ZFAND3: variants seen among roughly 807,000 people sequenced by gnomAD.
ZFAND3 encodes the protein AN1-type zinc finger protein 3.
A neutral mutation model predicts 29.6 loss-of-function variants in ZFAND3; 10 were observed. That is an observed-to-expected ratio of 0.34 (90% CI 0.21 to 0.57). The LOEUF (loss-of-function observed/expected upper bound fraction) is 0.57, where lower values mean the gene tolerates loss of function less well. Ranked by LOEUF, ZFAND3 falls within the 20% of genes least tolerant of loss-of-function variation. The pLI is 0.86. For missense variants in ZFAND3, 230 were observed against 304.5 expected (o/e 0.76, Z 1.82); for synonymous variants, 128 against 112.6 (o/e 1.14, Z -0.87).
intron 2 of ZFAND3, among the ~76,000 whole-genome samples, chr6:37,975,235 C>T (rs188761929): frequency 4.1e-4 from 63 of 152,268 alleles, no homozygotes; most frequent in African/African-American, 1.4e-3. Flanking sequence ...TCTCTAATGA[C>T]ATTGAGCATC....
chr6:38,130,222 A>C, intron 5 of ZFAND3, among the ~76,000 whole-genome samples: 1 of 152,178 alleles, frequency 6.6e-6, no homozygotes, highest in Non-Finnish European at 1.5e-5. Flanking sequence ...GAGTCTTTAG[A>C]GTTTTCTAGG....
chr6:37,849,800 C>G (rs949661423), intron 1 of ZFAND3, among the ~76,000 whole-genome samples: 1 of 152,156 alleles, frequency 6.6e-6, no homozygotes, highest in Non-Finnish European at 1.5e-5. Context: ...AGATGGACTT[C>G]CTAGAACTTG....
At chr6:38,122,550 A>C (rs1427350523) in intron 5 of ZFAND3, among the ~76,000 whole-genome samples, 1 of 152,042 alleles carries the variant, frequency 6.6e-6, no homozygotes, top group East Asian at 1.9e-4. Context: ...CATACTTCCC[A>C]TCTTTCTTCA....
intron 2 of ZFAND3, among the ~76,000 whole-genome samples, chr6:38,011,285 T>C (rs894191461): frequency 6.6e-6 from 1 of 152,216 alleles, no homozygotes; most frequent in Non-Finnish European, 1.5e-5. Flanking sequence ...TATGAATGTA[T>C]GCTTTTATTT....
At chr6:38,141,669 C>T (rs1765958954) in intron 5 of ZFAND3, among the ~76,000 whole-genome samples, 1 of 152,176 alleles carries the variant, frequency 6.6e-6, no homozygotes, top group South Asian at 2.1e-4. Flanking sequence ...CATTCGTTCT[C>T]TTTTGTCGGC....
intron 3 of ZFAND3, among the ~76,000 whole-genome samples, chr6:38,068,965 T>A (rs1331273893): frequency 2.0e-5 from 3 of 152,184 alleles, no homozygotes; most frequent in Admixed American, 1.3e-4. Flanking sequence ...TAAAAAATGG[T>A]AGTGCCTTTT....
At chr6:37,890,911 G>T (rs12190570) in intron 1 of ZFAND3, among the ~76,000 whole-genome samples, 58,675 of 152,088 alleles carry the variant, frequency 0.39, 12,101 homozygotes, top group Non-Finnish European at 0.47. Context: ...TGGCAGAGCA[G>T]GCAGCTCCAA....
At chr6:38,085,234 A>C (rs1044055679) in intron 4 of ZFAND3, among the ~76,000 whole-genome samples, 2 of 152,334 alleles carry the variant, frequency 1.3e-5, no homozygotes, top group Middle Eastern at 3.4e-3. Context: ...GTAGTCTCCC[A>C]GACAGAAACC....
chr6:38,147,973 T>G lies in ZFAND3; in HGVS notation c.530-4262T>G, dbSNP rs1233910454. On this transcript the variant is annotated intron_variant, in intron 5 of 5. Transcript: ENST00000287218. ...AGCTTTTAATTTAGTTAAGTCTCAT[T>G]TGTCTATTTTTGTTTTTGTTGCCTG... Among the ~76,000 whole-genome samples, 3 of 152,194 alleles carry G rather than the reference T, an allele frequency of 2.0e-5. No individual in the cohort carries two copies. In the East Asian group the frequency reaches 5.8e-4, roughly 29 times the overall value.
At chr6:37,873,787 G>C (rs1764743035) in intron 1 of ZFAND3, among the ~76,000 whole-genome samples, 1 of 152,152 alleles carries the variant, frequency 6.6e-6, no homozygotes, top group Non-Finnish European at 1.5e-5. Flanking sequence ...CAAGCTCTCT[G>C]TTGCAGCTAC....
At chr6:37,837,840 A>G (rs948137716) in intron 1 of ZFAND3, among the ~76,000 whole-genome samples, 8 of 152,186 alleles carry the variant, frequency 5.3e-5, no homozygotes, top group Non-Finnish European at 7.4e-5. Flanking sequence ...ATATATAGAG[A>G]ACAGCGTGTA....
chr6:37,835,081 T>G (rs1240430470), intron 1 of ZFAND3, among the ~76,000 whole-genome samples: 1 of 152,228 alleles, frequency 6.6e-6, no homozygotes, highest in Non-Finnish European at 1.5e-5. Flanking sequence ...GGCTAAACTT[T>G]GTTGTGAGGT....
At chr6:37,888,566 G>A (rs76466594) in intron 1 of ZFAND3, among the ~76,000 whole-genome samples, 1 of 151,192 alleles carries the variant, frequency 6.6e-6, no homozygotes, top group East Asian at 1.9e-4. Context: ...TTTTTTCCAC[G>A]GTGCTCTGGA....
chr6:37,875,564 G>A (rs1458763139), intron 1 of ZFAND3, among the ~76,000 whole-genome samples: 5 of 151,052 alleles, frequency 3.3e-5, no homozygotes. Context: ...AGCAACTTAT[G>A]TTCATGAACA....
intron 2 of ZFAND3, among the ~76,000 whole-genome samples, chr6:38,014,237 A>AAG: frequency 6.6e-6 from 1 of 152,214 alleles, no homozygotes; most frequent in South Asian, 2.1e-4. Context: ...TTTTGTTAAA[A>AAG]AGAGAGAGAG....
chr6:37,830,672 T>G (rs1404253303), intron 1 of ZFAND3, among the ~76,000 whole-genome samples: 5 of 152,172 alleles, frequency 3.3e-5, no homozygotes, highest in Non-Finnish European at 7.4e-5. Context: ...CCATGGAGAC[T>G]CAACCTACCT....
At chr6:37,856,350 T>C (rs1007354679) in intron 1 of ZFAND3, among the ~76,000 whole-genome samples, 1 of 152,206 alleles carries the variant, frequency 6.6e-6, no homozygotes, top group African/African-American at 2.4e-5. Flanking sequence ...TGACTTCATG[T>C]AGAAGCATTC....
At chr6:38,048,341 G>T (rs1407680865) in intron 2 of ZFAND3, among the ~76,000 whole-genome samples, 2 of 151,710 alleles carry the variant, frequency 1.3e-5, no homozygotes, top group African/African-American at 2.4e-5. Context: ...ATATATTCAG[G>T]CCGGGCGCGG....
chr6:37,891,416 T>TCCCCCCCCCCCCCCCCCCC (rs113061455), intron 1 of ZFAND3, among the ~76,000 whole-genome samples: 1 of 117,132 alleles, frequency 8.5e-6, no homozygotes, highest in African/African-American at 3.8e-5. Context: ...GAGATTTCAG[T>TCCCCCCCCCCCCCCCCCCC]CCCCCCCCCC....
Sources: gnomAD v4.1 joint callset for allele counts (sites outside exome capture counted in the v4.1 genomes callset) on GRCh38, gnomAD v4.1.1 for gene constraint, MANE v1.5 for transcripts, NCBI Gene and HGNC (gene_info 2026-07-23, HGNC 2026-07-21) for gene names.